Variants in AGL observed in about 807,000 individuals in gnomAD.
AGL encodes the protein glycogen debranching enzyme.
Under a neutral mutation model 199.3 loss-of-function variants are expected in AGL, and 128 were observed. The observed-to-expected ratio is 0.64, with a 90% CI of 0.56 to 0.74. The LOEUF (loss-of-function observed/expected upper bound fraction) is 0.74. AGL is among the 30% of genes least tolerant of loss of function. The pLI is 0.00. For missense variants in AGL, 1,809 were observed against 1,820.8 expected, an observed-to-expected ratio of 0.99 and a Z score of 0.12; for synonymous variants, 584 against 594.7, an observed-to-expected ratio of 0.98 and a Z score of 0.26.
rs749678945 is a variant in AGL, at chr1:99,875,253, A to C, written c.1182A>C (p.Glu394Asp). The change falls in exon 9 of 34, where the codon GAA (glutamate) becomes GAC (aspartate). Residue 394 changes from glutamate (E) to aspartate (D), a missense_variant. Coordinates refer to ENST00000361915, the MANE Select transcript of AGL (RefSeq NM_000642.3). ...EKHRLINYHQ[E>D]QAVNCLLGNV... ...ATCGACTCATTAACTATCATCAGGA[A>C]CAGGTTTTACTTATTTTTGAACTGC... is the stretch of plus-strand genomic sequence containing the variant. 1.2e-6 allele frequency: 2 copies of C among 1,613,690 alleles called. No homozygotes were observed. The highest frequency in any genetic ancestry group is 1.7e-6 in the Non-Finnish European group (2 of 1,179,716).
At chr1:99,897,916 C>A (rs911953915) in intron 25 of AGL, among the ~76,000 whole-genome samples, 2 of 152,128 alleles carry the variant, frequency 1.3e-5, no homozygotes, top group Non-Finnish European at 2.9e-5. Context: ...TGTTTAGGCT[C>A]CCAATTATCA....
intron 17 of AGL, among the ~76,000 whole-genome samples, chr1:99,882,589 C>G (rs1438340503): frequency 1.3e-5 from 2 of 152,158 alleles, no homozygotes; most frequent in Non-Finnish European, 2.9e-5. Flanking sequence ...AGTGATTCTT[C>G]TGAACATGTA....
chr1:99,864,547 T>C lies in AGL; in HGVS notation c.622T>C (p.Trp208Arg), dbSNP rs202084554. The change falls in exon 5 of 34, where the codon TGG becomes CGG. Residue 208 changes from tryptophan to arginine, a missense_variant. Trp to Arg is a moderately radical substitution (Grantham distance 101). Transcript: ENST00000361915. Reference protein sequence around the residue: ...GQLVEKLKKEWNVICITDVVY... With the variant: ...GQLVEKLKKERNVICITDVVY... Reference sequence around the variant, plus strand: ...GCTAGTGGAAAAATTAAAAAAGGAATGGAATGTTATTTGTATTACTGATGT... The same window carrying C: ...GCTAGTGGAAAAATTAAAAAAGGAACGGAATGTTATTTGTATTACTGATGT... 539 of 1,613,760 alleles carry C rather than the reference T, an allele frequency of 3.3e-4. No homozygotes were observed. The highest frequency in any genetic ancestry group is 4.2e-4 in the Non-Finnish European group (501 of 1,179,892).
chr1:99,905,237 C>G (rs1654177407), intron 27 of AGL, among the ~76,000 whole-genome samples: 1 of 152,024 alleles, frequency 6.6e-6, no homozygotes, highest in African/African-American at 2.4e-5. Context: ...TTGCTCTGTC[C>G]CCCAGCTGGA....
At chr1:99,868,751 C>G (rs1650743726) in intron 5 of AGL, among the ~76,000 whole-genome samples, 1 of 151,088 alleles carries the variant, frequency 6.6e-6, no homozygotes, top group South Asian at 2.1e-4. Context: ...CACTGCACTC[C>G]TGCACTCCTG....
At chr1:99,876,652 C>G in intron 11 of AGL, 55 bp downstream of exon 11, 1 of 1,593,556 alleles carries the variant, frequency 6.3e-7, no homozygotes, top group South Asian at 1.1e-5. Flanking sequence ...ATGGCAAGGT[C>G]AAAATAAAAT....
chr1:99,874,839 A>T (rs1651369067), intron 8 of AGL, 29 bp downstream of exon 8: 4 of 1,608,736 alleles, frequency 2.5e-6, no homozygotes. Context: ...TCTGTGAAAT[A>T]ATAATATTAC....
chr1:99,877,803 A>G lies in AGL; in HGVS notation c.1586A>G (p.His529Arg). The G allele has an allele frequency of 6.2e-7, 1 of 1,614,060 alleles. No homozygotes were observed. Among genetic ancestry groups the G allele is most frequent in the African/African-American group, 1.3e-5 (1 of 75,048 alleles). The change falls in exon 12 of 34, where the codon CAC becomes CGC. Residue 529 changes from histidine (H) to arginine (R), a missense_variant. Physicochemically the swap from His to Arg is conservative, Grantham distance 29. Transcript: ENST00000361915. ...YFQGVRLDNC[H>R]STPLHVAEYM... ...CAGGGAGTACGTCTTGATAACTGCC[A>G]CTCAACACCTCTTCACGTAGCTGAG...
intron 2 of AGL, among the ~76,000 whole-genome samples, chr1:99,851,888 TTAAA>T (rs1648977226): frequency 6.9e-6 from 1 of 145,964 alleles, no homozygotes; most frequent in African/African-American, 2.4e-5. Context: ...GTTTTAAGAA[TTAAA>T]TTTTTGAAAA....
intron 28 of AGL, 33 bp downstream of exon 28, chr1:99,910,880 A>G: frequency 6.2e-7 from 1 of 1,601,250 alleles, no homozygotes; most frequent in Non-Finnish European, 8.5e-7. Context: ...GTGTAATTAT[A>G]CCCTTCTTTA....
At chr1:99,918,833 T>C (rs1655314533) in intron 33 of AGL, among the ~76,000 whole-genome samples, 1 of 152,168 alleles carries the variant, frequency 6.6e-6, no homozygotes, top group South Asian at 2.1e-4. Flanking sequence ...TCTCCATTAG[T>C]GAATCAAGAC....
intron 27 of AGL, among the ~76,000 whole-genome samples, chr1:99,906,717 T>A (rs66508666): frequency 0.14 from 20,740 of 152,236 alleles, 1,511 homozygotes; most frequent in Middle Eastern, 0.17. Context: ...GATTCCCTTC[T>A]TTTTCAAGGC....
chr1:99,875,195 A>C lies in AGL; in HGVS notation c.1124A>C (p.His375Pro). 6.2e-7 allele frequency: 1 copy of C among 1,614,184 alleles called. No homozygotes were observed. The highest frequency in any genetic ancestry group is 1.1e-5 in the South Asian group (1 of 91,088). ...ATTGAAGAATGCTGTAATTGGTTTC[A>C]TAAAAGAATGGAGGAATTAAATTCA... ...AAIEECCNWF[H>P]KRMEELNSEK... The change falls in exon 9 of 34, where the codon CAT becomes CCT. Residue 375 changes from histidine to proline, a missense_variant. Coordinates refer to ENST00000361915, the MANE Select transcript of AGL (RefSeq NM_000642.3).
intron 4 of AGL, among the ~76,000 whole-genome samples, chr1:99,863,522 G>A (rs545608159): frequency 2.6e-5 from 4 of 151,696 alleles, no homozygotes; most frequent in South Asian, 2.1e-4. Context: ...GCGCAATCTC[G>A]GCTCACTGCA....
intron 26 of AGL, 31 bp from the exon 27 acceptor site, chr1:99,902,652 A>G (rs1653932611): frequency 6.7e-7 from 1 of 1,502,630 alleles, no homozygotes; most frequent in African/African-American, 1.4e-5. Flanking sequence ...GTAATTTCTA[A>G]CAGAGGTAAC....
chr1:99,874,499 G>GCGTGCACGCACGTGCACACA (rs1553185243), intron 7 of AGL, 188 bp from the exon 8 acceptor site: 4 of 585,916 alleles, frequency 6.8e-6, no homozygotes, highest in Non-Finnish European at 1.2e-5. Flanking sequence ...GTGTGTTTGC[G>GCGTGCACGCACGTGCACACA]CGTGCACGCA....
intron 20 of AGL, 80 bp from the exon 21 acceptor site, chr1:99,887,898 A>T: frequency 6.7e-7 from 1 of 1,501,736 alleles, no homozygotes; most frequent in Non-Finnish European, 9.2e-7. Flanking sequence ...TTATGATTGT[A>T]ATTCAGATTT....
At chr1:99,896,470 ATCTTT>A in intron 25 of AGL, 82 bp downstream of exon 25, 1 of 1,071,388 alleles carries the variant, frequency 9.3e-7, no homozygotes, top group Non-Finnish European at 1.5e-6. Context: ...CTTCTTGTCC[ATCTTT>A]TCTTAACATT....
intron 33 of AGL, among the ~76,000 whole-genome samples, chr1:99,920,091 G>A (rs1208732908): frequency 6.6e-6 from 1 of 152,166 alleles, no homozygotes; most frequent in Non-Finnish European, 1.5e-5. Context: ...GTAATTATGG[G>A]CAGCATATTC....
Sources: gnomAD v4.1 joint callset for allele counts (sites outside exome capture counted in the v4.1 genomes callset) on GRCh38, gnomAD v4.1.1 for gene constraint, MANE v1.5 for transcripts, NCBI Gene and HGNC (gene_info 2026-07-23, HGNC 2026-07-21) for gene names.